ZNF385D: variants seen among roughly 807,000 people sequenced by gnomAD.
ZNF385D encodes zinc finger protein 659.
In ZNF385D, 15 loss-of-function variants were observed where a neutral mutation model predicts 35.8. The ratio of observed to expected loss-of-function variants is 0.42; its 90% CI spans 0.28 to 0.64. The LOEUF is 0.64. ZNF385D is among the 30% of genes least tolerant of loss of function. The probability of loss-of-function intolerance (pLI) is 0.23; values close to 1 mark genes in which losing one functional copy is unlikely to be tolerated. For missense variants in ZNF385D, 474 were observed against 494.6 expected, an observed-to-expected ratio of 0.96 and a Z score of 0.39; for synonymous variants, 212 against 186.8, an observed-to-expected ratio of 1.13 and a Z score of -1.10.
intron 3 of ZNF385D, among the ~76,000 whole-genome samples, chr3:22,157,099 G>T (rs543360654): frequency 5.9e-5 from 9 of 152,110 alleles, no homozygotes; most frequent in Non-Finnish European, 1.2e-4. Flanking sequence ...GACAGCTATT[G>T]TAACATCATG....
At position 21,520,625 on chromosome 3, in the gene ZNF385D, T is replaced by C. The variant is rs151319030; in HGVS notation, c.277-9602A>G. On this transcript the variant is annotated intron_variant, in intron 3 of 7. Coordinates refer to ENST00000281523, the MANE Select transcript of ZNF385D (RefSeq NM_024697.3). ...TTACCATCAAACACAAATTGTGCTA[T>C]TTATGGGAACTCTCTCTTTTCAAGG... 1.1e-3 allele frequency among the ~76,000 whole-genome samples: 167 copies of C among 152,288 alleles called. 2 individuals carry two copies. The highest frequency in any genetic ancestry group is 3.6e-3 in the African/African-American group (148 of 41,572).
At chr3:22,330,425 G>A (rs1197996568) in intron 2 of ZNF385D, among the ~76,000 whole-genome samples, 1 of 152,120 alleles carries the variant, frequency 6.6e-6, no homozygotes, top group Non-Finnish European at 1.5e-5. Context: ...GGATCATTTA[G>A]GTAGGAGTTG....
rs143803932 is a variant in ZNF385D, at chr3:22,187,246, C to A, written c.107-18211G>T. Reference sequence around the variant, plus strand: ...TGGCATCTTGTACTGTGGAAGTACACTGCAGTCATTTATTTAATCGAAGTC... The same window carrying A: ...TGGCATCTTGTACTGTGGAAGTACAATGCAGTCATTTATTTAATCGAAGTC... On this transcript the variant is annotated intron_variant, in intron 2 of 5. Coordinates refer to the ZNF385D transcript ENST00000494108. Among the ~76,000 whole-genome samples, 193 of 152,296 alleles carry A rather than the reference C, an allele frequency of 1.3e-3. 1 individual carries two copies. Among genetic ancestry groups the A allele is most frequent in the African/African-American group, 4.3e-3 (179 of 41,558 alleles).
chr3:21,897,311 T>G (rs924590528), intron 3 of ZNF385D, among the ~76,000 whole-genome samples: 1 of 152,268 alleles, frequency 6.6e-6, no homozygotes. Flanking sequence ...TGATATTGAT[T>G]ACTAAGAACT....
chr3:21,437,337 C>T (rs940604822), intron 4 of ZNF385D, 134 bp from the exon 5 acceptor site: 1 of 734,668 alleles, frequency 1.4e-6, no homozygotes, highest in Non-Finnish European at 2.1e-6. Flanking sequence ...GTCAAGGATG[C>T]ATCAATCACC....
At chr3:21,758,975 CAA>C (rs58450064) in intron 3 of ZNF385D, among the ~76,000 whole-genome samples, 3 of 29,222 alleles carry the variant, frequency 1.0e-4, no homozygotes, top group African/African-American at 1.4e-4. Context: ...TCATCACTGG[CAA>C]AAAAAAAAAA....
chr3:21,425,462 G>A lies in ZNF385D; in HGVS notation c.852+30C>T, dbSNP rs200924075. 3.2e-6 allele frequency: 5 copies of A among 1,549,004 alleles called. No homozygotes were observed. In the Admixed American group the frequency reaches 5.5e-5, roughly 17 times the overall value. ...CTGCTTATAAGGCTGTCCCTTGTTG[G>A]TTTTCATTCCTAGAATACGTGCTGT... On this transcript the variant is annotated intron_variant, in intron 6 of 7. Transcript: ENST00000281523.
At chr3:22,066,460 C>CTGTGTGTGTG (rs1699958066) in intron 3 of ZNF385D, among the ~76,000 whole-genome samples, 2 of 48,902 alleles carry the variant, frequency 4.1e-5, no homozygotes, top group African/African-American at 2.5e-4. Context: ...AGATGGTTCC[C>CTGTGTGTGTG]CGTGTGTGTG....
intron 4 of ZNF385D, among the ~76,000 whole-genome samples, chr3:21,495,562 A>G (rs1705772663): frequency 1.3e-5 from 2 of 152,162 alleles, no homozygotes; most frequent in South Asian, 4.1e-4. Flanking sequence ...TTTAAGAGGG[A>G]AATTTATAGC....
At chr3:21,801,805 G>T (rs142809444) in intron 3 of ZNF385D, among the ~76,000 whole-genome samples, 5 of 152,038 alleles carry the variant, frequency 3.3e-5, no homozygotes, top group Admixed American at 1.3e-4. Flanking sequence ...TAGAGTGCCC[G>T]TCCTGACCAA....
At chr3:21,684,113 C>T (rs1204240421) in intron 1 of ZNF385D, among the ~76,000 whole-genome samples, 1 of 149,566 alleles carries the variant, frequency 6.7e-6, no homozygotes, top group African/African-American at 2.5e-5. Context: ...ACCTAAAGCT[C>T]CCTAGTTGAA....
Position 21,719,741 on chromosome 3 carries a change from TCTCA to T in ZNF385D, c.22+31150_22+31153del, listed in dbSNP as rs1307053470. Among the ~76,000 whole-genome samples, 409 of 152,318 alleles carry T rather than the reference TCTCA, an allele frequency of 2.7e-3. 1 individual carries two copies. Among genetic ancestry groups the T allele is most frequent in the African/African-American group, 9.2e-3 (382 of 41,572 alleles). ...GAAGCAGCCCGACTGGAACTCTCTC[TCTCA>T]GAGTATAATGTCTATTCTGCACCTA... On this transcript the variant is annotated intron_variant, in intron 1 of 7. Transcript: ENST00000281523.
In ZNF385D at chr3:21,916,410, G is replaced by T. The variant is rs573154994; in HGVS notation, c.326-251382C>A. Among the ~76,000 whole-genome samples, 7 of 152,030 alleles carry T rather than the reference G, an allele frequency of 4.6e-5. No individual in the cohort carries two copies. In the East Asian group the frequency reaches 1.4e-3, roughly 29 times the overall value. On this transcript the variant is annotated intron_variant, in intron 3 of 5. Coordinates refer to the ZNF385D transcript ENST00000494108. The stretch of plus-strand genomic sequence containing the variant: ...GATCATCTGCTTTACTGATTCTAAT[G>T]CATATTTTAACTTTTACACTTATGT...
intron 2 of ZNF385D, among the ~76,000 whole-genome samples, chr3:21,641,382 G>A (rs916094582): frequency 2.6e-5 from 4 of 151,650 alleles, no homozygotes; most frequent in Non-Finnish European, 5.9e-5. Flanking sequence ...GGAGGGGGAG[G>A]TGAGAGGTAT....
intron 2 of ZNF385D, among the ~76,000 whole-genome samples, chr3:21,569,089 A>C (rs2063242081): frequency 6.6e-6 from 1 of 152,182 alleles, no homozygotes; most frequent in Admixed American, 6.5e-5. Context: ...CGCTTGGTGC[A>C]GAGCTGAGTT....
At chr3:22,126,315 T>G (rs1331917963) in intron 3 of ZNF385D, among the ~76,000 whole-genome samples, 2 of 150,670 alleles carry the variant, frequency 1.3e-5, no homozygotes, top group African/African-American at 2.4e-5. Context: ...AAGTTGTTTT[T>G]TTTTTTTTTT....
chr3:21,815,474 G>C (rs905518164), intron 3 of ZNF385D, among the ~76,000 whole-genome samples: 3 of 151,138 alleles, frequency 2.0e-5, no homozygotes, highest in Non-Finnish European at 4.4e-5. Context: ...AGAATCAGAC[G>C]CAATAAAAAA....
At chr3:22,301,410 G>A (rs544475622) in intron 2 of ZNF385D, among the ~76,000 whole-genome samples, 145 of 151,938 alleles carry the variant, frequency 9.5e-4, no homozygotes, top group Admixed American at 1.5e-3. Flanking sequence ...TAAAAATTGC[G>A]AGGTGAGTGA....
chr3:21,502,704 T>C (rs1433714065), intron 4 of ZNF385D, among the ~76,000 whole-genome samples: 2 of 152,190 alleles, frequency 1.3e-5, no homozygotes, highest in African/African-American at 4.8e-5. Context: ...CCCCCACTTC[T>C]GAATTTCCCT....
Sources: allele counts gnomAD v4.1 joint callset (sites outside exome capture counted in the v4.1 genomes callset), GRCh38; gene constraint gnomAD v4.1.1; transcripts MANE v1.5; gene names NCBI Gene and HGNC (gene_info 2026-07-23, HGNC 2026-07-21).